Variants in BRD9 observed in about 807,000 individuals in gnomAD.
BRD9 encodes the protein bromodomain-containing protein 9.
A neutral mutation model predicts 68.7 loss-of-function variants in BRD9; 47 were observed. That is an observed-to-expected ratio of 0.68 (90% CI 0.54 to 0.87). The LOEUF (loss-of-function observed/expected upper bound fraction) is 0.87. Among genes scored for constraint, BRD9 ranks in the 40% least tolerant of loss-of-function variants. The pLI is 0.00. For synonymous variants in BRD9, 313 were observed against 293.9 expected (o/e 1.06, Z -0.67); for missense variants, 670 against 748.4 (o/e 0.90, Z 1.22).
At chr5:866,893 T>C (rs1047786657) in intron 14 of BRD9, among the ~76,000 whole-genome samples, 4 of 152,318 alleles carry the variant, frequency 2.6e-5, no homozygotes, top group South Asian at 4.1e-4. Context: ...TGCCATGTGG[T>C]AGAAAAGAAA....
intron 12 of BRD9, among the ~76,000 whole-genome samples, chr5:875,362 T>C: frequency 6.6e-6 from 1 of 152,016 alleles, no homozygotes; most frequent in East Asian, 1.9e-4. Context: ...TTTTTTTTTT[T>C]TTGGAGATGG....
At chr5:885,530 T>A (rs188331722) in intron 7 of BRD9, among the ~76,000 whole-genome samples, 75 of 152,294 alleles carry the variant, frequency 4.9e-4, no homozygotes, top group African/African-American at 1.8e-3. Flanking sequence ...CAGTACCAAC[T>A]CCAGACGGTC....
At chr5:876,070 G>GC (rs779890837) in intron 12 of BRD9, 31 bp downstream of exon 12, 6 of 1,528,488 alleles carry the variant, frequency 3.9e-6, no homozygotes, top group African/African-American at 2.7e-5. Context: ...AAGGGCACCT[G>GC]CCCCCCAACC....
intron 7 of BRD9, among the ~76,000 whole-genome samples, chr5:886,214 G>C (rs1752533566): frequency 6.6e-6 from 1 of 152,234 alleles, no homozygotes; most frequent in African/African-American, 2.4e-5. Flanking sequence ...GCCAATGCTG[G>C]CTGCCCAAAG....
intron 12 of BRD9, among the ~76,000 whole-genome samples, 171 bp from the exon 13 acceptor site, chr5:871,735 T>C (rs1483353911): frequency 6.6e-6 from 1 of 152,218 alleles, no homozygotes; most frequent in African/African-American, 2.4e-5. Context: ...ACCTTCTTCA[T>C]CACCAGTCAC....
Position 891,275 on chromosome 5 carries a change from GCTTCTTCT to G in BRD9, c.272_279del (p.Glu91AlafsTer9). 6.4e-7 allele frequency: 1 copy of G among 1,551,456 alleles called. No homozygotes were observed. Among genetic ancestry groups the G allele is most frequent in the Non-Finnish European group, 8.7e-7 (1 of 1,146,824 alleles). On this transcript the variant is annotated frameshift_variant, in exon 3 of 16. Transcript: ENST00000467963. LOFTEE classifies it high-confidence loss of function. ...TCACAGTGCTCCCTCTCTCGCTTCC[GCTTCTTCT>G]CTTCCTGGGCGGCAGAGTCAAGGGA...
intron 6 of BRD9, 70 bp from the exon 7 acceptor site, chr5:886,777 G>C: frequency 6.2e-7 from 1 of 1,609,596 alleles, no homozygotes; most frequent in Non-Finnish European, 8.5e-7. Flanking sequence ...CCTAGAATCA[G>C]AAAGGACAGA....
chr5:874,059 T>C (rs1750545043), intron 12 of BRD9, among the ~76,000 whole-genome samples: 1 of 152,212 alleles, frequency 6.6e-6, no homozygotes, highest in Admixed American at 6.5e-5. Context: ...AGAACCCAGA[T>C]CAGCCTTGCC....
chr5:865,289 A>G, intron 15 of BRD9, 125 bp downstream of exon 15: 1 of 1,311,146 alleles, frequency 7.6e-7, no homozygotes, highest in South Asian at 1.5e-5. Context: ...GACCTCCACA[A>G]CAGCACCGCT....
chr5:892,039 C>T, intron 1 of BRD9, 185 bp from the exon 2 acceptor site: 2 of 985,148 alleles, frequency 2.0e-6, no homozygotes, highest in Non-Finnish European at 1.4e-6. Context: ...GTTCTCCCTT[C>T]CCCTCCGCAG....
intron 14 of BRD9, chr5:868,979 G>T (rs1042143876): frequency 9.1e-6 from 2 of 220,590 alleles, no homozygotes; most frequent in African/African-American, 4.7e-5. Flanking sequence ...TCTCCAGGAT[G>T]GCCCCACCGG....
At chr5:865,382 C>A in intron 15 of BRD9, 32 bp downstream of exon 15, 1 of 1,544,272 alleles carries the variant, frequency 6.5e-7, no homozygotes, top group Non-Finnish European at 8.7e-7. Flanking sequence ...GCTGGGGTCT[C>A]TGGGGATGCG....
intron 7 of BRD9, among the ~76,000 whole-genome samples, chr5:885,042 C>G (rs1463637938): frequency 1.3e-5 from 2 of 152,228 alleles, no homozygotes; most frequent in Non-Finnish European, 2.9e-5. Context: ...GGACACAACC[C>G]CACCGCAGCT....
chr5:881,239 T>A (rs1751705852), intron 8 of BRD9, 57 bp from the exon 9 acceptor site: 4 of 1,534,948 alleles, frequency 2.6e-6, no homozygotes, highest in East Asian at 2.3e-5. Flanking sequence ...GCAGCACAAA[T>A]GAAATGAAGA....
Position 887,172 on chromosome 5 carries a change from T to C in BRD9, c.717+189A>G, listed in dbSNP as rs143342846. Among the ~76,000 whole-genome samples, 1,150 of 152,252 alleles carry C rather than the reference T, an allele frequency of 7.6e-3. 17 individuals are homozygous for C. Among genetic ancestry groups the C allele is most frequent in the African/African-American group, 0.026 (1,077 of 41,546 alleles). ...TGCGGAACTTTCCACCAACCCTCAATGAGATGTTACAGCTAGGTCATGAGC... is the reference window on the plus strand; with the variant it reads ...TGCGGAACTTTCCACCAACCCTCAACGAGATGTTACAGCTAGGTCATGAGC... On this transcript the variant is annotated intron_variant, in intron 6 of 15. Transcript: ENST00000467963.
intron 11 of BRD9, among the ~76,000 whole-genome samples, chr5:877,666 A>G (rs991262200): frequency 3.3e-5 from 5 of 152,238 alleles, no homozygotes; most frequent in African/African-American, 9.6e-5. Context: ...TTGTGATTTT[A>G]GTATTATACT....
chr5:877,678 T>C (rs1176773090), intron 11 of BRD9, among the ~76,000 whole-genome samples: 3 of 152,232 alleles, frequency 2.0e-5, no homozygotes, highest in Non-Finnish European at 2.9e-5. Context: ...TATTATACTT[T>C]AGCCTGCCAT....
intron 7 of BRD9, among the ~76,000 whole-genome samples, chr5:885,575 A>G (rs1338123257): frequency 6.6e-6 from 1 of 152,254 alleles, no homozygotes; most frequent in East Asian, 1.9e-4. Context: ...AAAGCAATAC[A>G]CTTCAGCAGA....
chr5:871,144 G>A (rs569491794), intron 13 of BRD9, among the ~76,000 whole-genome samples: 1 of 152,322 alleles, frequency 6.6e-6, no homozygotes, highest in East Asian at 1.9e-4. Context: ...GGCAGGTGCA[G>A]CAGTCTGGGC....
Sources: allele counts gnomAD v4.1 joint callset (sites outside exome capture counted in the v4.1 genomes callset), GRCh38; gene constraint gnomAD v4.1.1; transcripts MANE v1.5; gene names NCBI Gene and HGNC (gene_info 2026-07-23, HGNC 2026-07-21).